Variants in CFAP299 observed in about 807,000 individuals in gnomAD.
CFAP299 encodes the protein cilia and flagella associated protein 299.
In CFAP299, 21 loss-of-function variants were observed where a neutral mutation model predicts 27.0. That is an observed-to-expected ratio of 0.78 (90% CI 0.55 to 1.12). The LOEUF (loss-of-function observed/expected upper bound fraction) is 1.12, where lower values mean the gene tolerates loss of function less well. Among genes scored for constraint, CFAP299 ranks in the 50% most tolerant of loss-of-function variants. CFAP299 has a pLI of 0.00. For missense variants in CFAP299, 310 were observed against 276.6 expected, an observed-to-expected ratio of 1.12 and a Z score of -0.86; for synonymous variants, 104 against 98.1, an observed-to-expected ratio of 1.06 and a Z score of -0.36.
At chr4:80,849,681 AG>A (rs1447113553) in intron 3 of CFAP299, among the ~76,000 whole-genome samples, 1 of 152,116 alleles carries the variant, frequency 6.6e-6, no homozygotes, top group Non-Finnish European at 1.5e-5. Flanking sequence ...ATCTCATAAA[AG>A]TAGAGAGGAG....
At chr4:80,779,689 T>C (rs781414969) in intron 3 of CFAP299, among the ~76,000 whole-genome samples, 4 of 152,046 alleles carry the variant, frequency 2.6e-5, no homozygotes, top group Admixed American at 6.6e-5. Flanking sequence ...TCAGTCCCCA[T>C]TGGCAGGTAT....
At chr4:80,644,478 T>C (rs981845888) in intron 3 of CFAP299, among the ~76,000 whole-genome samples, 4 of 152,174 alleles carry the variant, frequency 2.6e-5, no homozygotes, top group Non-Finnish European at 5.9e-5. Flanking sequence ...AACCTAGACC[T>C]AACAATTTCA....
At chr4:80,686,706 G>T (rs1296110407) in intron 3 of CFAP299, among the ~76,000 whole-genome samples, 1 of 152,168 alleles carries the variant, frequency 6.6e-6, no homozygotes, top group Non-Finnish European at 1.5e-5. Flanking sequence ...TTAACCAGGA[G>T]GATGGCCTTT....
chr4:80,368,132 G>A (rs149657107), intron 2 of CFAP299, among the ~76,000 whole-genome samples: 125 of 152,288 alleles, frequency 8.2e-4, no homozygotes, highest in African/African-American at 2.2e-3. Flanking sequence ...GCAGATGATC[G>A]GAATAAGTGG....
intron 2 of CFAP299, among the ~76,000 whole-genome samples, chr4:80,518,561 A>ATT (rs540726773): frequency 6.7e-6 from 1 of 150,334 alleles, no homozygotes; most frequent in Non-Finnish European, 1.5e-5. Context: ...TGAAAAATGG[A>ATT]TTTTTTTTTT....
intron 2 of CFAP299, among the ~76,000 whole-genome samples, chr4:80,562,363 C>G (rs1476325988): frequency 4.6e-5 from 7 of 151,998 alleles, no homozygotes; most frequent in African/African-American, 1.7e-4. Flanking sequence ...TTTGGGAGGC[C>G]AAGGAGGGCA....
chr4:80,909,202 C>T (rs1036373198), intron 4 of CFAP299, among the ~76,000 whole-genome samples: 4 of 151,772 alleles, frequency 2.6e-5, no homozygotes, highest in Non-Finnish European at 5.9e-5. Flanking sequence ...TACTTAACTA[C>T]GAACAATTAA....
chr4:80,620,587 T>C (rs774835811), intron 3 of CFAP299, among the ~76,000 whole-genome samples: 3 of 152,192 alleles, frequency 2.0e-5, no homozygotes, highest in Non-Finnish European at 4.4e-5. Context: ...GCTTGATTCC[T>C]GATGCCATAC....
rs1726099554 is a variant in CFAP299 at position 80,400,575 on chromosome 4, T to A, written c.242+37691T>A. Among the ~76,000 whole-genome samples the A allele has an allele frequency of 2.0e-5, 3 of 152,192 alleles. No individual in the cohort carries two copies. The South Asian group carries it at 6.2e-4, about 32-fold the overall frequency. Reference sequence around the variant, plus strand: ...TCTCTTGCTACCGCCATGTAAGAAGTGCCTTTCACCTCCCATCATGATTCT... The same window carrying A: ...TCTCTTGCTACCGCCATGTAAGAAGAGCCTTTCACCTCCCATCATGATTCT... On this transcript the variant is annotated intron_variant, in intron 2 of 5. Coordinates refer to ENST00000358105, the MANE Select transcript of CFAP299 (RefSeq NM_152770.3).
intron 2 of CFAP299, among the ~76,000 whole-genome samples, chr4:80,375,126 G>C (rs759928179): frequency 5.9e-5 from 9 of 152,126 alleles, no homozygotes; most frequent in Non-Finnish European, 1.3e-4. Context: ...TTTTGAGGAA[G>C]AGATTAAAAG....
chr4:80,440,844 C>T (rs992795778), intron 2 of CFAP299, among the ~76,000 whole-genome samples: 8 of 152,120 alleles, frequency 5.3e-5, no homozygotes, highest in Non-Finnish European at 2.9e-5. Flanking sequence ...ACTAGAATAA[C>T]CAATTTAGAG....
At chr4:80,812,207 A>T (rs1242850655) in intron 3 of CFAP299, among the ~76,000 whole-genome samples, 4 of 152,132 alleles carry the variant, frequency 2.6e-5, no homozygotes, top group African/African-American at 9.7e-5. Flanking sequence ...CACAGCTAGA[A>T]TTAACTGCCT....
intron 3 of CFAP299, among the ~76,000 whole-genome samples, chr4:80,866,116 C>T (rs1185142622): frequency 1.1e-4 from 10 of 90,812 alleles, no homozygotes; most frequent in Non-Finnish European, 2.2e-4. Flanking sequence ...TCTTCTTATA[C>T]TTTTACACAT....
chr4:80,322,388 G>A, the CFAP299 span, among the ~76,000 whole-genome samples: 2 of 152,154 alleles, frequency 1.3e-5, no homozygotes, highest in Non-Finnish European at 2.9e-5. Flanking sequence ...GTGGGACTCA[G>A]TCTTGATACT....
chr4:80,539,866 G>A (rs1037276757), intron 2 of CFAP299, among the ~76,000 whole-genome samples: 1 of 152,168 alleles, frequency 6.6e-6, no homozygotes, highest in South Asian at 2.1e-4. Context: ...AATAATCAAT[G>A]CATTTGCAGG....
chr4:80,669,153 T>C (rs77825433), intron 3 of CFAP299, among the ~76,000 whole-genome samples: 1 of 86,990 alleles, frequency 1.1e-5, no homozygotes, highest in African/African-American at 6.3e-5. Context: ...TTCTTTCTTT[T>C]TTTTTTTTTT....
At chr4:80,723,508 TAAA>T (rs35442302) in intron 3 of CFAP299, among the ~76,000 whole-genome samples, 4 of 151,678 alleles carry the variant, frequency 2.6e-5, no homozygotes, top group African/African-American at 9.7e-5. Flanking sequence ...TATAAAATTC[TAAA>T]AAAAACGCAA....
At position 80,952,204 on chromosome 4, in the gene CFAP299, A is replaced by G. The variant is rs1032082314; in HGVS notation, c.606+7265A>G. ...ACCAGGGCTAGCTCCATGCCTGCAC[A>G]TGGTAGGTGTTCAGTAAACATCTGC... On this transcript the variant is annotated intron_variant, in intron 5 of 5. Coordinates refer to ENST00000358105, the MANE Select transcript of CFAP299 (RefSeq NM_152770.3). Among the ~76,000 whole-genome samples, 35 of 152,206 alleles carry G rather than the reference A, an allele frequency of 2.3e-4. 1 individual carries two copies. Among genetic ancestry groups the G allele is most frequent in the Non-Finnish European group, 8.8e-5 (6 of 68,040 alleles).
rs375675367 is a variant in CFAP299 at position 80,569,532 on chromosome 4, C to T, written c.243-13561C>T. ...GTAATTCACAACAAAGATAAAATGA[C>T]TAATGAGGAAATTAAAATCTGCATG... On this transcript the variant is annotated intron_variant, in intron 2 of 5. Transcript: ENST00000358105. Among the ~76,000 whole-genome samples the T allele has an allele frequency of 5.3e-5, 8 of 151,666 alleles. No individual in the cohort carries two copies. In the East Asian group the frequency reaches 9.7e-4, roughly 18 times the overall value.
Sources: gnomAD v4.1 joint callset for allele counts (sites outside exome capture counted in the v4.1 genomes callset) on GRCh38, gnomAD v4.1.1 for gene constraint, MANE v1.5 for transcripts, NCBI Gene and HGNC (gene_info 2026-07-23, HGNC 2026-07-21) for gene names.